TFR2: variants seen among roughly 807,000 people sequenced by gnomAD.
TFR2 encodes the protein transferrin receptor protein 2.
TFR2 carries 64 observed loss-of-function variants against 91.9 expected under a neutral mutation model. The ratio of observed to expected loss-of-function variants is 0.70; its 90% CI spans 0.57 to 0.86. TFR2 has a LOEUF of 0.86. TFR2 is among the 40% of genes least tolerant of loss of function. The pLI is 0.00. For missense variants in TFR2, 950 were observed against 1,080.5 expected (o/e 0.88, Z 1.69); for synonymous variants, 454 against 459.6 (o/e 0.99, Z 0.15).
At chr7:100,641,345 G>T (rs1013732973) in intron 1 of TFR2, 117 bp from the exon 2 acceptor site, 2 of 1,433,118 alleles carry the variant, frequency 1.4e-6, no homozygotes, top group African/African-American at 2.8e-5. Context: ...GTGGGGGCGT[G>T]GGGGAGGGGC....
chr7:100,631,673 TG>T, intron 8 of TFR2, 132 bp downstream of exon 8: 2 of 1,243,206 alleles, frequency 1.6e-6, no homozygotes, highest in Non-Finnish European at 2.2e-6. Flanking sequence ...TGGAGTGCAG[TG>T]GTGTAGTCAT....
chr7:100,641,167 C>G lies in TFR2; in HGVS notation c.95G>C (p.Gly32Ala). ...GTCTTCCTCTTCCTCCTCCAGGTGC[C>G]CTTTCCGGGGGCCTTCCACACGCTG... is the stretch of plus-strand genomic sequence containing the variant. Reference protein sequence around the residue: ...VYQRVEGPRKGHLEEEEEDGE... With the variant: ...VYQRVEGPRKAHLEEEEEDGE... Residue 32 changes from glycine to alanine, a missense_variant, in exon 2 of 18, where the codon GGG becomes GCG. By Grantham distance (60) the Gly-to-Ala change is moderately conservative. Transcript: ENST00000223051. The G allele has an allele frequency of 5.2e-6, 8 of 1,530,920 alleles. No individual in the cohort carries two copies. Among genetic ancestry groups the G allele is most frequent in the Non-Finnish European group, 7.0e-6 (8 of 1,137,922 alleles). The allele number at this position is 1,530,920 out of a possible 1,614,324, so 94.8% of individuals were successfully genotyped here.
chr7:100,627,820 C>T lies in TFR2; in HGVS notation c.1606G>A (p.Val536Met), dbSNP rs1368053356. 4 of 1,614,072 alleles carry T rather than the reference C, an allele frequency of 2.5e-6. No homozygotes were observed. The highest frequency in any genetic ancestry group is 4.5e-5 in the East Asian group (2 of 44,872). The change falls in exon 14 of 18, where the codon GTG (valine) becomes ATG (methionine). Residue 536 changes from valine to methionine, a missense_variant and splice_region_variant. Physicochemically the swap from Val to Met is conservative, Grantham distance 21. Coordinates refer to ENST00000223051, the MANE Select transcript of TFR2 (RefSeq NM_003227.4). ...TGCCCACTGTGGTTGGGAGAATCCACCTGGGGGTTGGGGAAGGGCACTGAT... is the reference window on the plus strand; with the variant it reads ...TGCCCACTGTGGTTGGGAGAATCCATCTGGGGGTTGGGGAAGGGCACTGAT... ...TSLIESVLKQVDSPNHSGQTL... is the reference protein window; with the variant it reads ...TSLIESVLKQMDSPNHSGQTL...
At chr7:100,631,744 G>C in intron 8 of TFR2, 62 bp downstream of exon 8, 7 of 1,576,998 alleles carry the variant, frequency 4.4e-6, no homozygotes, top group Non-Finnish European at 6.0e-6. Flanking sequence ...ATCACCCTGT[G>C]GCCTCGCTGC....
Position 100,630,936 on chromosome 7 carries a change from G to A in TFR2, c.1223C>T (p.Thr408Ile), listed in dbSNP as rs773669738. Residue 408 changes from threonine to isoleucine, a missense_variant, in exon 9 of 18, where the codon ACC becomes ATC. Coordinates refer to ENST00000223051, the MANE Select transcript of TFR2 (RefSeq NM_003227.4). ...GCAGCCGAAGATGTTGTTGATGGGG[G>A]TGGAGGTCCTGTGATTGTTGACCAC... ...RLVVNNHRTS[T>I]PINNIFGCIE... 1.2e-6 allele frequency: 2 copies of A among 1,613,140 alleles called. No homozygotes were observed. Among genetic ancestry groups the A allele is most frequent in the African/African-American group, 1.3e-5 (1 of 74,912 alleles).
In TFR2 at chr7:100,627,501, C is replaced by T. The variant is rs1584456254; in HGVS notation, c.1768-10G>A. ...GGTAGGCCTGGTCGTCCTGCCAGGA[C>T]AGGGTGGACGCTGGGGCGGAGGCAG... On this transcript the variant is annotated splice_polypyrimidine_tract_variant and intron_variant, in intron 15 of 17. Transcript: ENST00000223051. The T allele has an allele frequency of 1.2e-6, 2 of 1,613,044 alleles. No homozygotes were observed. Among genetic ancestry groups the T allele is most frequent in the Non-Finnish European group, 1.7e-6 (2 of 1,179,518 alleles).
rs1176034721 is a variant in TFR2, at chr7:100,628,286, G to C, written c.1411C>G (p.Leu471Val). The C allele has an allele frequency of 6.2e-7, 1 of 1,613,820 alleles. No homozygotes were observed. The highest frequency in any genetic ancestry group is 1.7e-5 in the Admixed American group (1 of 59,976). The change falls in exon 11 of 18, where the codon CTC becomes GTC. Residue 471 changes from leucine (L) to valine (V), a missense_variant. Leu to Val is a conservative substitution (Grantham distance 32, BLOSUM62 1). Transcript: ENST00000223051. Reference protein sequence around the residue: ...VSNGFRPRRSLLFISWDGGDF... With the variant: ...VSNGFRPRRSVLFISWDGGDF... ...CCACCGTCCCAGCTGATGAAGAGGAGACTTCTGCGGGGCCGGAAGCCTGGG... is the reference window on the plus strand; with the variant it reads ...CCACCGTCCCAGCTGATGAAGAGGACACTTCTGCGGGGCCGGAAGCCTGGG...
intron 17 of TFR2, among the ~76,000 whole-genome samples, chr7:100,622,527 C>T (rs1414912889): frequency 1.3e-5 from 2 of 152,222 alleles, no homozygotes; most frequent in Non-Finnish European, 2.9e-5. Context: ...AATTTCGGCT[C>T]TTCCACTTAC....
intron 17 of TFR2, chr7:100,626,342 T>C: frequency 1.6e-6 from 1 of 623,636 alleles, no homozygotes; most frequent in Non-Finnish European, 2.0e-6. Flanking sequence ...GGAAAACAGC[T>C]CTCTTACTCT....
In TFR2 at chr7:100,641,062, C is replaced by T. The variant is rs1249244951; in HGVS notation, c.200G>A (p.Arg67Lys). 6.2e-6 allele frequency: 10 copies of T among 1,603,892 alleles called. No individual in the cohort carries two copies. The African/African-American group carries it at 1.3e-4, about 22-fold the overall frequency. ...CGCCCAGGGAATGAGGTTTGGCTGCCTGGGTCTAGAGCCCAGGGGCTCAGG... is the reference window on the plus strand; with the variant it reads ...CGCCCAGGGAATGAGGTTTGGCTGCTTGGGTCTAGAGCCCAGGGGCTCAGG... ...RGPEPLGSRP[R>K]QPNLIPWAAA... Residue 67 changes from arginine to lysine, a missense_variant, in exon 2 of 18, where the codon AGG becomes AAG. Coordinates refer to ENST00000223051, the MANE Select transcript of TFR2 (RefSeq NM_003227.4).
At position 100,620,825 on chromosome 7, in the gene TFR2, T is replaced by C; in HGVS notation, c.*32A>G. 6.2e-7 allele frequency: 1 copy of C among 1,613,332 alleles called. No homozygotes were observed. The highest frequency in any genetic ancestry group is 8.5e-7 in the Non-Finnish European group (1 of 1,179,474). ...AGCGAGGAGCAGAGGAGCTCTTGACTGGGGGACGGGGATGTGAGGATCCCC... is the reference window on the plus strand; with the variant it reads ...AGCGAGGAGCAGAGGAGCTCTTGACCGGGGGACGGGGATGTGAGGATCCCC... On this transcript the variant is annotated 3_prime_UTR_variant, in exon 18 of 18. Transcript: ENST00000223051.
At position 100,626,938 on chromosome 7, in the gene TFR2, A is replaced by AG. The variant is rs752860237; in HGVS notation, c.1996-36dup. 3.9e-5 allele frequency: 59 copies of AG among 1,526,150 alleles called. No individual in the cohort carries two copies. The East Asian group carries it at 1.1e-3, about 29-fold the overall frequency. 94.5% of individuals were successfully genotyped at this position (1,526,150 alleles called of 1,614,324 possible). ...GGAGGCGCGGGCTGGGGCTGGCGGC[A>AG]GGGGCCAGGACCCCCGCCTAGCATG... On this transcript the variant is annotated intron_variant, in intron 16 of 17. Coordinates refer to ENST00000223051, the MANE Select transcript of TFR2 (RefSeq NM_003227.4).
At chr7:100,632,637 A>G in intron 6 of TFR2, 1 of 289,968 alleles carries the variant, frequency 3.4e-6, no homozygotes, top group Non-Finnish European at 6.1e-6. Flanking sequence ...GCAGCCTGGC[A>G]CTCCTGGGCT....
chr7:100,626,919 G>A lies in TFR2; in HGVS notation c.1996-16C>T, dbSNP rs1169262863. ...GCCCGCGGGCCTGGGGTGGGGAGGCGCGGGCTGGGGCTGGCGGCAGGGGCC... is the reference window on the plus strand; with the variant it reads ...GCCCGCGGGCCTGGGGTGGGGAGGCACGGGCTGGGGCTGGCGGCAGGGGCC... On this transcript the variant is annotated splice_polypyrimidine_tract_variant and intron_variant, in intron 16 of 17. Coordinates refer to ENST00000223051, the MANE Select transcript of TFR2 (RefSeq NM_003227.4). 2.6e-6 allele frequency: 4 copies of A among 1,527,822 alleles called. No homozygotes were observed. Among genetic ancestry groups the A allele is most frequent in the Admixed American group, 4.0e-5 (2 of 50,282 alleles). The allele number at this position is 1,527,822 out of a possible 1,614,324, so 94.6% of individuals were successfully genotyped here. A position where few individuals can be genotyped will look rare whatever the true frequency, so the allele number is the denominator to read the frequency against.
chr7:100,641,231 G>A lies in TFR2; in HGVS notation c.34-3C>T. The A allele has an allele frequency of 1.3e-6, 2 of 1,538,064 alleles. No homozygotes were observed. The highest frequency in any genetic ancestry group is 1.8e-6 in the Non-Finnish European group (2 of 1,139,932). ...GAGGATCTTGGGGACAGTTGTTGCT[G>A]TGCAGGCGAGGTGGGCATGAGATTG... On this transcript the variant is annotated splice_region_variant and splice_polypyrimidine_tract_variant and intron_variant, in intron 1 of 17. Coordinates refer to ENST00000223051, the MANE Select transcript of TFR2 (RefSeq NM_003227.4).
At chr7:100,634,177 AACACACACACACACACACACACACAC>A (rs3076877) in intron 3 of TFR2, among the ~76,000 whole-genome samples, 5 of 132,716 alleles carry the variant, frequency 3.8e-5, no homozygotes, top group Admixed American at 8.0e-5. Flanking sequence ...TCCCGACGTC[AACACACACACACACACACACACACAC>A]ACACACACAC....
chr7:100,632,061 G>C (rs368267022), intron 7 of TFR2, 21 bp downstream of exon 7: 2 of 1,613,742 alleles, frequency 1.2e-6, no homozygotes, highest in Non-Finnish European at 1.7e-6. Flanking sequence ...GGAACAGCAC[G>C]ACCAGCCTCC....
chr7:100,637,005 C>T (rs1803583452), intron 3 of TFR2, among the ~76,000 whole-genome samples: 1 of 152,218 alleles, frequency 6.6e-6, no homozygotes. Flanking sequence ...ATGGCTTACG[C>T]CTGTAATCCA....
At chr7:100,626,432 A>G (rs1584455101) in intron 17 of TFR2, 1 of 1,123,150 alleles carries the variant, frequency 8.9e-7, no homozygotes, top group Non-Finnish European at 1.1e-6. Context: ...TCTTTCCAGA[A>G]GGGTCGAGGA....
Sources: allele counts gnomAD v4.1 joint callset (sites outside exome capture counted in the v4.1 genomes callset), GRCh38; gene constraint gnomAD v4.1.1; transcripts MANE v1.5; gene names NCBI Gene and HGNC (gene_info 2026-07-23, HGNC 2026-07-21).